DCAF5: variants seen among roughly 807,000 people sequenced by gnomAD.
DCAF5 encodes DDB1- and CUL4-associated factor 5.
In DCAF5, 9 loss-of-function variants were observed where a neutral mutation model predicts 80.7. The observed-to-expected ratio is 0.11, with a 90% CI of 0.07 to 0.19. DCAF5 has a LOEUF of 0.19. DCAF5 is among the 10% of genes least tolerant of loss of function. The pLI is 1.00. For missense variants in DCAF5, 842 were observed against 1,205.7 expected (o/e 0.70, Z 4.47); for synonymous variants, 433 against 461.9 (o/e 0.94, Z 0.80).
In DCAF5 at chr14:69,152,820, G is replaced by T; in HGVS notation, c.159C>A (p.Phe53Leu). 1 of 1,614,092 alleles carries T rather than the reference G, an allele frequency of 6.2e-7. No individual in the cohort carries two copies. The stretch of plus-strand genomic sequence containing the variant: ...AGAATTCAATGGCATTGACACAGCC[G>T]AAGTGGCCGAGGAGGTCCTTCTTGT... ...NLYKKDLLGH[F>L]GCVNAIEFSN... The change falls in exon 1 of 9, where the codon TTC becomes TTA. Residue 53 changes from phenylalanine (F) to leucine (L), a missense_variant. Physicochemically the swap from Phe to Leu is conservative, Grantham distance 22. Transcript: ENST00000341516. The surrounding 1 kb of genome is among the most constrained non-coding windows in gnomAD (Gnocchi z 4.1).
chr14:69,082,455 G>GA lies in DCAF5; in HGVS notation c.880-7045dup, dbSNP rs2039143251. Among the ~76,000 whole-genome samples the GA allele has an allele frequency of 1.3e-4, 6 of 45,416 alleles. No individual in the cohort carries two copies. The South Asian group carries it at 5.2e-3, about 39-fold the overall frequency. 29.8% of individuals were successfully genotyped at this position (45,416 alleles called of 152,430 possible). A position where few individuals can be genotyped will look rare whatever the true frequency, so the allele number is the denominator to read the frequency against. On this transcript the variant is annotated intron_variant, in intron 6 of 8. Coordinates refer to ENST00000341516, the MANE Select transcript of DCAF5 (RefSeq NM_003861.3). ...AACCAACCTTTATGGGTTCTGTGTAGAAAAAATTCTATTAAGGAATATTCC... is the reference window on the plus strand; with the variant it reads ...AACCAACCTTTATGGGTTCTGTGTAGAAAAAAATTCTATTAAGGAATATTCC...
At chr14:69,058,623 C>T (rs2038075783) in intron 8 of DCAF5, among the ~76,000 whole-genome samples, 1 of 151,596 alleles carries the variant, frequency 6.6e-6, no homozygotes, top group Non-Finnish European at 1.5e-5. Flanking sequence ...ACCTGTAATC[C>T]CAGGACTTTG....
At chr14:69,089,289 C>A (rs1053729495) in intron 6 of DCAF5, 6 of 152,304 alleles carry the variant, frequency 3.9e-5, no homozygotes, top group African/African-American at 1.4e-4. Context: ...ATTTCTTAGT[C>A]CCTAAGGAGT....
chr14:69,060,898 A>G (rs1225183884), intron 8 of DCAF5, among the ~76,000 whole-genome samples: 1 of 151,688 alleles, frequency 6.6e-6, no homozygotes, highest in Non-Finnish European at 1.5e-5. Context: ...CTGGATAGTT[A>G]TTTTTTTAAG....
At chr14:69,135,609 AAATG>A (rs1282370839) in intron 1 of DCAF5, among the ~76,000 whole-genome samples, 1 of 152,238 alleles carries the variant, frequency 6.6e-6, no homozygotes, top group Non-Finnish European at 1.5e-5. Flanking sequence ...ATTTTCTCAA[AAATG>A]AATAAGATGA....
At chr14:69,098,603 GC>G (rs2039819553) in intron 5 of DCAF5, among the ~76,000 whole-genome samples, 1 of 151,966 alleles carries the variant, frequency 6.6e-6, no homozygotes, top group Non-Finnish European at 1.5e-5. Flanking sequence ...CACTGACTTG[GC>G]CAGGCACGGC....
Position 69,052,711 on chromosome 14 carries a change from A to G in DCAF5, c.*1146T>C, listed in dbSNP as rs929378809. The G allele has an allele frequency of 3.3e-5, 5 of 152,206 alleles. No individual in the cohort carries two copies. The highest frequency in any genetic ancestry group is 7.2e-5 in the African/African-American group (3 of 41,446). 9.4% of individuals were successfully genotyped at this position (152,206 alleles called of 1,614,324 possible). ...CCTCCCCAACACCTTCTGACTCCTA[A>G]TAGACCTACTCAATAAGAATCTGTT... On this transcript the variant is annotated 3_prime_UTR_variant, in exon 9 of 9. Transcript: ENST00000341516.
intron 8 of DCAF5, among the ~76,000 whole-genome samples, chr14:69,057,617 T>C (rs1167463453): frequency 6.6e-6 from 1 of 152,180 alleles, no homozygotes; most frequent in Non-Finnish European, 1.5e-5. Flanking sequence ...ACACTGAAAG[T>C]TAGTTTGCAT....
intron 7 of DCAF5, among the ~76,000 whole-genome samples, chr14:69,065,346 C>T (rs574938354): frequency 1.1e-4 from 17 of 152,242 alleles, no homozygotes; most frequent in African/African-American, 3.9e-4. Context: ...CCACCCGCCT[C>T]GGCCTCCCAA....
intron 1 of DCAF5, among the ~76,000 whole-genome samples, chr14:69,136,592 T>G (rs181092634): frequency 6.6e-6 from 1 of 152,344 alleles, no homozygotes; most frequent in East Asian, 1.9e-4. Context: ...TTTTCACTTA[T>G]GAAAACTAAT....
chr14:69,090,063 A>T (rs2039477266), intron 6 of DCAF5: 4 of 985,308 alleles, frequency 4.1e-6, no homozygotes, highest in Non-Finnish European at 4.8e-6. Context: ...CTGGAAATAA[A>T]GCCTAGTAAA....
At chr14:69,144,738 ACTG>A (rs1192206936) in intron 1 of DCAF5, among the ~76,000 whole-genome samples, 3 of 152,340 alleles carry the variant, frequency 2.0e-5, no homozygotes, top group African/African-American at 7.2e-5. Context: ...TGCTCCAGAA[ACTG>A]CTAACATTCA....
Position 69,055,584 on chromosome 14 carries a change from A to C in DCAF5, c.1102T>G (p.Cys368Gly). The C allele has an allele frequency of 6.2e-7, 1 of 1,603,314 alleles. No homozygotes were observed. The highest frequency in any genetic ancestry group is 8.5e-7 in the Non-Finnish European group (1 of 1,170,738). ...KIWSPYKQPG[C>G]TGDLDGRIED... ...ATCCGACCGTCGAGGTCTCCAGTAC[A>C]TCCTGGCTGCTTGTATGGGCTCCAG... The change falls in exon 9 of 9, where the codon TGT becomes GGT. Residue 368 changes from cysteine to glycine, a missense_variant. Cys to Gly is a radical substitution (Grantham distance 159). Transcript: ENST00000341516. The surrounding 1 kb of genome is among the most constrained non-coding windows in gnomAD (Gnocchi z 5.6).
intron 6 of DCAF5, among the ~76,000 whole-genome samples, chr14:69,080,818 G>A (rs534638799): frequency 6.6e-6 from 1 of 152,058 alleles, no homozygotes; most frequent in South Asian, 2.1e-4. Flanking sequence ...ATACACTACT[G>A]TGAAAAAAAC....
chr14:69,114,368 T>C (rs779913970), intron 5 of DCAF5, among the ~76,000 whole-genome samples: 1 of 152,160 alleles, frequency 6.6e-6, no homozygotes, highest in Non-Finnish European at 1.5e-5. Flanking sequence ...GAATGCCATA[T>C]AGTCATTAAA....
At chr14:69,106,444 C>A (rs2040163545) in intron 5 of DCAF5, among the ~76,000 whole-genome samples, 1 of 152,132 alleles carries the variant, frequency 6.6e-6, no homozygotes, top group African/African-American at 2.4e-5. Flanking sequence ...TCATGGCTCA[C>A]TGCAGCCTCA....
chr14:69,125,595 G>A (rs2040848423), intron 1 of DCAF5, among the ~76,000 whole-genome samples: 1 of 152,048 alleles, frequency 6.6e-6, no homozygotes, highest in Non-Finnish European at 1.5e-5. Context: ...GTGGCACAAG[G>A]GAATGTACAA....
chr14:69,096,489 A>C (rs919709010), intron 5 of DCAF5, among the ~76,000 whole-genome samples: 2 of 152,192 alleles, frequency 1.3e-5, no homozygotes, highest in Non-Finnish European at 2.9e-5. Flanking sequence ...TCTGTAAAGA[A>C]ATCTTTATAT....
intron 7 of DCAF5, among the ~76,000 whole-genome samples, chr14:69,069,992 A>T (rs1390841304): frequency 6.6e-6 from 1 of 152,204 alleles, no homozygotes; most frequent in Non-Finnish European, 1.5e-5. Context: ...ATCCTAAGAA[A>T]GTATTATTGT....
Sources: allele counts gnomAD v4.1 joint callset (sites outside exome capture counted in the v4.1 genomes callset), GRCh38; gene constraint gnomAD v4.1.1; non-coding constraint Gnocchi (gnomAD v3.1); transcripts MANE v1.5; gene names NCBI Gene and HGNC (gene_info 2026-07-23, HGNC 2026-07-21).